The following AKAP13 variants were observed in gnomAD, a reference collection of about 807,000 sequenced individuals.
The protein encoded by AKAP13 is A-kinase anchor protein 13.
In AKAP13, 80 loss-of-function variants were observed where a neutral mutation model predicts 264.5. That is an observed-to-expected ratio of 0.30 (90% confidence interval 0.25 to 0.36). The LOEUF (loss-of-function observed/expected upper bound fraction) is 0.36, where lower values mean the gene tolerates loss of function less well. AKAP13 is among the 10% of genes least tolerant of loss of function. The pLI is 1.00. For synonymous variants in AKAP13, 1,380 were observed against 1,250.2 expected (o/e 1.10, Z -2.19); for missense variants, 3,712 against 3,435.2 (o/e 1.08, Z -2.01).
intron 14 of AKAP13, among the ~76,000 whole-genome samples, chr15:85,671,521 A>G (rs2151570127): frequency 6.6e-6 from 1 of 151,902 alleles, no homozygotes; most frequent in East Asian, 1.9e-4. Context: ...CATGTGATTA[A>G]TATTTCAAAT....
intron 5 of AKAP13, among the ~76,000 whole-genome samples, chr15:85,559,239 A>C (rs553199141): frequency 9.2e-5 from 14 of 152,308 alleles, no homozygotes; most frequent in African/African-American, 3.4e-4. Flanking sequence ...GTAAGCCAAT[A>C]ACTGTCATGG....
At chr15:85,589,710 G>GAAAAA (rs59703416) in intron 8 of AKAP13, among the ~76,000 whole-genome samples, 1 of 99,894 alleles carries the variant, frequency 1.0e-5, no homozygotes, top group Non-Finnish European at 2.0e-5. Context: ...ACTCTGTCTT[G>GAAAAA]AAAAAAAAAA....
intron 8 of AKAP13, among the ~76,000 whole-genome samples, chr15:85,625,354 C>T (rs953174863): frequency 5.3e-5 from 8 of 152,120 alleles, no homozygotes; most frequent in South Asian, 2.1e-4. Flanking sequence ...TTTTTCCTAT[C>T]CCGTCTCCTA....
At chr15:85,478,922 T>G (rs1393588652) in intron 1 of AKAP13, among the ~76,000 whole-genome samples, 3 of 152,160 alleles carry the variant, frequency 2.0e-5, no homozygotes, top group Non-Finnish European at 4.4e-5. Context: ...CTCTTTCTGG[T>G]CCTGGGAATG....
At chr15:85,524,440 C>A (rs1438594007) in intron 3 of AKAP13, among the ~76,000 whole-genome samples, 3 of 152,028 alleles carry the variant, frequency 2.0e-5, no homozygotes, top group Non-Finnish European at 4.4e-5. Context: ...TCCCAAAGTG[C>A]TGGGATTACA....
chr15:85,449,481 A>G (rs1233005264), intron 1 of AKAP13, among the ~76,000 whole-genome samples: 1 of 152,118 alleles, frequency 6.6e-6, no homozygotes, highest in African/African-American at 2.4e-5. Flanking sequence ...AGAAGTGGTG[A>G]GAGAGGGCGT....
At position 85,407,322 on chromosome 15, in the gene AKAP13, G is replaced by T. The variant is rs559024609; in HGVS notation, c.-12+26524G>T. On this transcript the variant is annotated intron_variant, in intron 1 of 36. Transcript: ENST00000394518. ...GGCTCACTGCAACCTCCGCCTCCTG[G>T]GTTCAAGAGATTCTCCTGTTTCAGC... 3.4e-4 allele frequency among the ~76,000 whole-genome samples: 51 copies of T among 151,176 alleles called. 1 individual carries two copies. The highest frequency in any genetic ancestry group is 1.2e-3 in the African/African-American group (50 of 40,704).
intron 1 of AKAP13, among the ~76,000 whole-genome samples, chr15:85,454,017 C>G (rs1247441952): frequency 1.3e-5 from 2 of 152,200 alleles, no homozygotes; most frequent in African/African-American, 4.8e-5. Flanking sequence ...CCACCTCTTC[C>G]CCTAGGAGCT....
At chr15:85,512,331 G>T (rs1355363061) in intron 2 of AKAP13, among the ~76,000 whole-genome samples, 2 of 152,162 alleles carry the variant, frequency 1.3e-5, no homozygotes, top group South Asian at 2.1e-4. Flanking sequence ...GGTTTACCGT[G>T]AGTGTAAGCA....
rs549535860 is a variant in AKAP13, at chr15:85,682,153, T to C, written c.5102-5T>C. 3.7e-6 allele frequency: 6 copies of C among 1,613,498 alleles called. No homozygotes were observed. In the South Asian group the frequency reaches 6.6e-5, roughly 18 times the overall value. On this transcript the variant is annotated splice_region_variant and splice_polypyrimidine_tract_variant and intron_variant, in intron 14 of 36. Transcript: ENST00000394518. ...TTCTAACTTTTTTTCTGCCTTGTTT[T>C]CTAGATTCACGGCCCTTCCACAGTA...
intron 8 of AKAP13, among the ~76,000 whole-genome samples, chr15:85,617,098 C>G (rs1442850142): frequency 2.0e-5 from 3 of 152,220 alleles, no homozygotes; most frequent in Non-Finnish European, 4.4e-5. Flanking sequence ...CTCCTAAAAA[C>G]TTCCTGAAGA....
In AKAP13 at chr15:85,442,471, T is replaced by TA. The variant is rs1342481389; in HGVS notation, c.-11-43238dup. ...ATATACATATATAATATACATAATA[T>TA]ATATTATATAATATATATAATATAT... On this transcript the variant is annotated intron_variant, in intron 1 of 36. Transcript: ENST00000394518. 5.7e-5 allele frequency among the ~76,000 whole-genome samples: 7 copies of TA among 123,396 alleles called. No homozygotes were observed. The East Asian group carries it at 8.5e-4, about 15-fold the overall frequency. 81.0% of individuals were successfully genotyped at this position (123,396 alleles called of 152,430 possible).
At chr15:85,507,858 G>A (rs74904486) in intron 2 of AKAP13, among the ~76,000 whole-genome samples, 19,409 of 152,278 alleles carry the variant, frequency 0.13, 1,607 homozygotes, top group Non-Finnish European at 0.19. Flanking sequence ...TGCTCCCTGG[G>A]CACAGGTGGG....
chr15:85,544,256 T>C, intron 5 of AKAP13: 1 of 478,930 alleles, frequency 2.1e-6, no homozygotes, highest in Non-Finnish European at 4.0e-6. Flanking sequence ...TCTGTGGAGG[T>C]AGCATAACAT....
intron 1 of AKAP13, among the ~76,000 whole-genome samples, chr15:85,416,901 G>A (rs1343042654): frequency 2.0e-5 from 3 of 152,130 alleles, no homozygotes; most frequent in Non-Finnish European, 4.4e-5. Flanking sequence ...TAATGTGTAA[G>A]CTCGGCTGTC....
At chr15:85,657,979 A>G (rs1420194684) in intron 11 of AKAP13, among the ~76,000 whole-genome samples, 1 of 152,166 alleles carries the variant, frequency 6.6e-6, no homozygotes, top group Non-Finnish European at 1.5e-5. Context: ...ATTGAAGCTC[A>G]GAATAAATGA....
chr15:85,449,264 G>A (rs1202482744), intron 1 of AKAP13, among the ~76,000 whole-genome samples: 5 of 152,076 alleles, frequency 3.3e-5, no homozygotes, highest in African/African-American at 1.2e-4. Context: ...AGTGATTTTT[G>A]TACATTGATT....
intron 2 of AKAP13, among the ~76,000 whole-genome samples, chr15:85,494,118 GC>G (rs1247942682): frequency 1.3e-5 from 2 of 152,124 alleles, no homozygotes; most frequent in African/African-American, 2.4e-5. Context: ...TCTCTTATAT[GC>G]CCAATTCCTC....
intron 6 of AKAP13, 29 bp downstream of exon 6, chr15:85,575,358 A>G (rs112781557): frequency 2.5e-6 from 4 of 1,592,964 alleles, no homozygotes; most frequent in African/African-American, 2.7e-5. Flanking sequence ...ATTTTTAAGT[A>G]TATGCATGTG....
Sources: allele counts gnomAD v4.1 joint callset (sites outside exome capture counted in the v4.1 genomes callset), GRCh38; gene constraint gnomAD v4.1.1; transcripts MANE v1.5; gene names NCBI Gene and HGNC (gene_info 2026-07-23, HGNC 2026-07-21).